Variants in SGK3 observed in about 807,000 individuals in gnomAD.
SGK3 encodes the protein serum/glucocorticoid regulated kinase family member 3, also known as serine/threonine-protein kinase Sgk3.
In SGK3, 47 loss-of-function variants were observed where a neutral mutation model predicts 68.5. The ratio of observed to expected loss-of-function variants is 0.69; its 90% CI spans 0.54 to 0.87. SGK3 has a LOEUF of 0.87. Among genes scored for constraint, SGK3 ranks in the 40% least tolerant of loss-of-function variants. SGK3 has a pLI of 0.00. For missense variants in SGK3, 479 were observed against 575.5 expected, an observed-to-expected ratio of 0.83 and a Z score of 1.72; for synonymous variants, 181 against 189.1, an observed-to-expected ratio of 0.96 and a Z score of 0.35.
chr8:66,811,809 G>A (rs1285311122), intron 4 of SGK3, among the ~76,000 whole-genome samples: 1 of 152,128 alleles, frequency 6.6e-6, no homozygotes, highest in East Asian at 1.9e-4. Flanking sequence ...ATTCATTTTA[G>A]TTCTTCATAT....
chr8:66,749,181 G>T (rs1407423056), intron 1 of SGK3, among the ~76,000 whole-genome samples: 2 of 152,128 alleles, frequency 1.3e-5, no homozygotes. Context: ...GTCAATATAC[G>T]TCAAAATGGG....
intron 1 of SGK3, among the ~76,000 whole-genome samples, chr8:66,736,622 C>CTTT (rs749420647): frequency 7.0e-6 from 1 of 141,908 alleles, no homozygotes. Context: ...CATGCCCAGC[C>CTTT]TTTTTTTTTT....
intron 14 of SGK3, among the ~76,000 whole-genome samples, chr8:66,845,391 T>C (rs1809964539): frequency 1.3e-5 from 2 of 151,484 alleles, no homozygotes; most frequent in African/African-American, 4.9e-5. Flanking sequence ...AAAGCGAGAC[T>C]CCGTCTCAAA....
At chr8:66,739,916 A>G (rs1335805918) in intron 1 of SGK3, among the ~76,000 whole-genome samples, 3 of 152,234 alleles carry the variant, frequency 2.0e-5, no homozygotes, top group Non-Finnish European at 4.4e-5. Context: ...TATCATGAGA[A>G]CAGCATGTGG....
chr8:66,772,932 C>G (rs1459550233), intron 1 of SGK3, among the ~76,000 whole-genome samples: 1 of 152,096 alleles, frequency 6.6e-6, no homozygotes, highest in Admixed American at 6.6e-5. Flanking sequence ...GATAAAGATT[C>G]TAAATAGCAG....
chr8:66,826,161 C>T (rs571696113), intron 6 of SGK3, among the ~76,000 whole-genome samples: 5 of 152,044 alleles, frequency 3.3e-5, no homozygotes, highest in Admixed American at 1.3e-4. Flanking sequence ...TTAGTAGAGA[C>T]GGGGTTTCAC....
chr8:66,745,467 G>A (rs916058549), intron 1 of SGK3, among the ~76,000 whole-genome samples: 3 of 152,028 alleles, frequency 2.0e-5, no homozygotes, highest in South Asian at 2.1e-4. Flanking sequence ...CCAGCTACTC[G>A]GGAGGCTGAG....
At chr8:66,845,693 CTTATTTATTTATTTATTTAT>C (rs59371496) in intron 14 of SGK3, among the ~76,000 whole-genome samples, 4 of 139,748 alleles carry the variant, frequency 2.9e-5, no homozygotes, top group African/African-American at 8.0e-5. Context: ...ACCTAGCTTG[CTTATTTATTTATTTATTTAT>C]TTATTTATTT....
At chr8:66,744,537 T>G (rs1245892756) in intron 1 of SGK3, among the ~76,000 whole-genome samples, 3 of 123,702 alleles carry the variant, frequency 2.4e-5, no homozygotes, top group African/African-American at 8.9e-5. Context: ...TTTTTTTTTT[T>G]TTTTTTTTAG....
chr8:66,724,574 T>A (rs1563596063), intron 1 of SGK3, among the ~76,000 whole-genome samples: 1 of 152,220 alleles, frequency 6.6e-6, no homozygotes. Context: ...ATACTCTGTC[T>A]CAAGAAAATA....
rs185806429 is a variant in SGK3, at chr8:66,853,451, T to G, written c.1320+2531T>G. ...TCAGTGAATAAAATGAATTAGTTGATTTTCCAATCGGTTAGTGTTTTATAT... is the reference window on the plus strand; with the variant it reads ...TCAGTGAATAAAATGAATTAGTTGAGTTTCCAATCGGTTAGTGTTTTATAT... On this transcript the variant is annotated intron_variant, in intron 16 of 16. Transcript: ENST00000521198. 2.0e-5 allele frequency among the ~76,000 whole-genome samples: 3 copies of G among 152,204 alleles called. 1 individual carries two copies. The highest frequency in any genetic ancestry group is 2.0e-4 in the Admixed American group (3 of 15,282).
chr8:66,849,247 A>T (rs1227173492), intron 15 of SGK3, among the ~76,000 whole-genome samples: 1 of 152,100 alleles, frequency 6.6e-6, no homozygotes, highest in African/African-American at 2.4e-5. Flanking sequence ...CTGCCTGCTC[A>T]ACATCACCAC....
At chr8:66,723,111 A>ATG (rs1804855544) in intron 1 of SGK3, among the ~76,000 whole-genome samples, 1 of 46,492 alleles carries the variant, frequency 2.2e-5, no homozygotes, top group African/African-American at 8.8e-5. Flanking sequence ...ATATATATAT[A>ATG]TATATATATA....
At chr8:66,772,260 A>G (rs1442552704) in intron 1 of SGK3, among the ~76,000 whole-genome samples, 1 of 146,976 alleles carries the variant, frequency 6.8e-6, no homozygotes, top group Non-Finnish European at 1.5e-5. Flanking sequence ...ATGTCTGGTT[A>G]ATTTTTTTAT....
At chr8:66,783,936 C>T (rs901471878) in intron 1 of SGK3, among the ~76,000 whole-genome samples, 1 of 152,140 alleles carries the variant, frequency 6.6e-6, no homozygotes, top group African/African-American at 2.4e-5. Context: ...GTTGCCCAGG[C>T]TGGAGTGCAG....
intron 1 of SGK3, among the ~76,000 whole-genome samples, chr8:66,733,047 G>A (rs1230601964): frequency 1.3e-5 from 2 of 152,102 alleles, no homozygotes; most frequent in Non-Finnish European, 2.9e-5. Context: ...AAAATTCTAC[G>A]AAGTGTGCAT....
At chr8:66,830,626 A>C (rs72654907) in intron 7 of SGK3, among the ~76,000 whole-genome samples, 1 of 152,214 alleles carries the variant, frequency 6.6e-6, no homozygotes, top group South Asian at 2.1e-4. Context: ...TGATAGGTTA[A>C]GTTAACATAA....
chr8:66,733,430 T>C (rs1384580372), intron 1 of SGK3, among the ~76,000 whole-genome samples: 2 of 152,164 alleles, frequency 1.3e-5, no homozygotes, highest in Admixed American at 6.6e-5. Flanking sequence ...TCCAAAGGAG[T>C]AAATGTGATT....
chr8:66,733,730 GA>G (rs143817745), intron 1 of SGK3, among the ~76,000 whole-genome samples: 1 of 151,866 alleles, frequency 6.6e-6, no homozygotes, highest in Non-Finnish European at 1.5e-5. Flanking sequence ...AACTCATGTA[GA>G]AAAAAACTTT....
Sources: gnomAD v4.1 joint callset for allele counts (sites outside exome capture counted in the v4.1 genomes callset) on GRCh38, gnomAD v4.1.1 for gene constraint, MANE v1.5 for transcripts, NCBI Gene and HGNC (gene_info 2026-07-23, HGNC 2026-07-21) for gene names.